PHLDB3: variants seen among roughly 807,000 people sequenced by gnomAD.
PHLDB3 encodes the protein pleckstrin homology-like domain family B member 3.
Under a neutral mutation model 85.7 loss-of-function variants are expected in PHLDB3, and 86 were observed. That is an observed-to-expected ratio of 1.00 (90% confidence interval 0.84 to 1.20). The LOEUF (loss-of-function observed/expected upper bound fraction) is 1.20. PHLDB3 is among the 50% of genes most tolerant of loss of function. PHLDB3 has a pLI of 0.00. For synonymous variants in PHLDB3, 376 were observed against 349.8 expected, an observed-to-expected ratio of 1.07 and a Z score of -0.83; for missense variants, 995 against 873.0, an observed-to-expected ratio of 1.14 and a Z score of -1.76.
chr19:43,479,251 G>A (rs977405263), intron 14 of PHLDB3, 126 bp downstream of exon 14: 3 of 976,670 alleles, frequency 3.1e-6, no homozygotes, highest in Non-Finnish European at 4.5e-6. Context: ...AGGAGCTAGG[G>A]AACCAAACTT....
intron 9 of PHLDB3, 34 bp downstream of exon 9, chr19:43,494,668 A>C: frequency 6.6e-7 from 1 of 1,517,544 alleles, no homozygotes; most frequent in Non-Finnish European, 9.0e-7. Flanking sequence ...GACCAATAAG[A>C]TATATGGGGA....
intron 9 of PHLDB3, among the ~76,000 whole-genome samples, chr19:43,487,591 A>AAAAAAAAAAAAAAAAACAC (rs1167897767): frequency 8.6e-6 from 1 of 115,770 alleles, no homozygotes; most frequent in East Asian, 2.4e-4. Context: ...AAAAAAAAAA[A>AAAAAAAAAAAAAAAAACAC]ACACAGAAAA....
intron 2 of PHLDB3, 126 bp downstream of exon 2, chr19:43,503,780 T>G: frequency 9.3e-7 from 1 of 1,072,202 alleles, no homozygotes; most frequent in South Asian, 1.5e-5. Context: ...CTGCTATCAC[T>G]CGGTCTCTCT....
intron 14 of PHLDB3, 49 bp downstream of exon 14, chr19:43,479,328 G>C (rs771645677): frequency 1.0e-4 from 159 of 1,529,056 alleles, no homozygotes; most frequent in Non-Finnish European, 1.4e-4. Context: ...AAGGCCTCCG[G>C]AGTGGAATTC....
intron 9 of PHLDB3, among the ~76,000 whole-genome samples, chr19:43,493,706 C>T (rs891132056): frequency 2.0e-4 from 31 of 152,106 alleles, no homozygotes; most frequent in Non-Finnish European, 3.4e-4. Flanking sequence ...GATAGATACC[C>T]CAATACCCTG....
At chr19:43,481,878 T>C (rs994148948) in intron 13 of PHLDB3, among the ~76,000 whole-genome samples, 1 of 150,574 alleles carries the variant, frequency 6.6e-6, no homozygotes, top group Non-Finnish European at 1.5e-5. Context: ...GATCTGCTGG[T>C]TGGAGACAGG....
At chr19:43,498,783 G>A (rs1156534889) in intron 4 of PHLDB3, among the ~76,000 whole-genome samples, 1 of 152,158 alleles carries the variant, frequency 6.6e-6, no homozygotes, top group African/African-American at 2.4e-5. Context: ...CAATCAGGGA[G>A]CATTTGGATC....
Position 43,478,121 on chromosome 19 carries a change from T to C in PHLDB3, c.1714A>G (p.Thr572Ala). 1 of 1,612,882 alleles carries C rather than the reference T, an allele frequency of 6.2e-7. No homozygotes were observed. The highest frequency in any genetic ancestry group is 8.5e-7 in the Non-Finnish European group (1 of 1,178,936). ...AAGTAGATGACACCTTTGAGCTTGG[T>C]CTCTTCCTTGTCTGGTAGGGGAGGT... Reference protein sequence around the residue: ...RLAYYADKEETKLKGVIYFQA... With the variant: ...RLAYYADKEEAKLKGVIYFQA... The change falls in exon 15 of 16, where the codon ACC becomes GCC. Residue 572 changes from threonine (T) to alanine (A), a missense_variant. Transcript: ENST00000292140.
At chr19:43,491,268 C>T (rs910092167) in intron 9 of PHLDB3, among the ~76,000 whole-genome samples, 7 of 152,278 alleles carry the variant, frequency 4.6e-5, no homozygotes, top group African/African-American at 1.4e-4. Flanking sequence ...TACAGAAGAA[C>T]ATCTGCTAAC....
intron 9 of PHLDB3, among the ~76,000 whole-genome samples, chr19:43,488,098 G>T (rs1568477794): frequency 6.6e-6 from 1 of 151,684 alleles, no homozygotes; most frequent in African/African-American, 2.4e-5. Context: ...AGGTTCCAGT[G>T]AGCCGAGATC....
intron 14 of PHLDB3, among the ~76,000 whole-genome samples, chr19:43,478,829 C>T (rs1447476985): frequency 2.0e-5 from 3 of 152,122 alleles, no homozygotes; most frequent in Admixed American, 2.0e-4. Context: ...GCAGGAGAAT[C>T]GCTTGAGCCG....
In PHLDB3 at chr19:43,494,829, GGT is replaced by G; in HGVS notation, c.1036-16_1036-15del. The G allele has an allele frequency of 6.2e-7, 1 of 1,601,052 alleles. No individual in the cohort carries two copies. Among genetic ancestry groups the G allele is most frequent in the East Asian group, 2.2e-5 (1 of 44,626 alleles). ...GGTGAACAGCAGCTGCAAGAGATGG[GGT>G]GAAGTTTCGTGGGAGCAGGAGAGAC... On this transcript the variant is annotated splice_polypyrimidine_tract_variant and intron_variant, in intron 8 of 15. Transcript: ENST00000292140.
At chr19:43,493,383 C>T (rs559649751) in intron 9 of PHLDB3, among the ~76,000 whole-genome samples, 5 of 152,134 alleles carry the variant, frequency 3.3e-5, no homozygotes, top group Admixed American at 1.3e-4. Flanking sequence ...TGCCTGTAAT[C>T]CCAGCAATTT....
rs776779116 is a variant in PHLDB3, at chr19:43,502,225, C to G, written c.272G>C (p.Arg91Pro). The change falls in exon 3 of 16, where the codon CGG (arginine) becomes CCG (proline). Residue 91 changes from arginine to proline, a missense_variant. Coordinates refer to ENST00000292140, the MANE Select transcript of PHLDB3 (RefSeq NM_198850.4). Reference protein sequence around the residue: ...AATPPASTSSREGVRGAARRL... With the variant: ...AATPPASTSSPEGVRGAARRL... The stretch of plus-strand genomic sequence containing the variant: ...CCGCGCCGCCCCTCGCACCCCTTCC[C>G]GCGAAGAGGTGGATGCGGGAGGTGT... 21 of 1,563,738 alleles carry G rather than the reference C, an allele frequency of 1.3e-5. No homozygotes were observed. Among genetic ancestry groups the G allele is most frequent in the Non-Finnish European group, 1.5e-5 (17 of 1,155,400 alleles).
intron 4 of PHLDB3, among the ~76,000 whole-genome samples, chr19:43,500,315 A>C (rs1480830915): frequency 2.0e-5 from 3 of 152,140 alleles, no homozygotes; most frequent in Non-Finnish European, 4.4e-5. Context: ...TGGCTCAGGA[A>C]GCACTAAAGC....
chr19:43,499,468 C>T (rs1011980058), intron 4 of PHLDB3, among the ~76,000 whole-genome samples: 4 of 151,826 alleles, frequency 2.6e-5, no homozygotes, highest in Admixed American at 6.6e-5. Context: ...GGGCTGCGAC[C>T]GAGATTTCTG....
In PHLDB3 at chr19:43,494,577, C is replaced by G. The variant is rs537109521; in HGVS notation, c.1149+125G>C. ...CTTGGCCAACCTTCCCTATCCCCCA[C>G]CGGCCCCATACAGAAAATCAGAGTG... On this transcript the variant is annotated intron_variant, in intron 9 of 15. Coordinates refer to ENST00000292140, the MANE Select transcript of PHLDB3 (RefSeq NM_198850.4). 1.1e-5 allele frequency: 8 copies of G among 725,086 alleles called. No individual in the cohort carries two copies. In the South Asian group the frequency reaches 1.6e-4, roughly 15 times the overall value. 44.9% of individuals were successfully genotyped at this position (725,086 alleles called of 1,614,324 possible). A position where few individuals can be genotyped will look rare whatever the true frequency, so the allele number is the denominator to read the frequency against.
At chr19:43,480,632 T>C (rs1292851948) in intron 13 of PHLDB3, among the ~76,000 whole-genome samples, 1 of 152,148 alleles carries the variant, frequency 6.6e-6, no homozygotes, top group Non-Finnish European at 1.5e-5. Flanking sequence ...TACATTATTA[T>C]TGTTGTGATG....
chr19:43,496,345 C>T (rs953568466), intron 6 of PHLDB3: 1 of 152,118 alleles, frequency 6.6e-6, no homozygotes, highest in Non-Finnish European at 1.5e-5. Context: ...TTGGGAAACT[C>T]TGTGTTAAAT....
Sources: gnomAD v4.1 joint callset for allele counts (sites outside exome capture counted in the v4.1 genomes callset) on GRCh38, gnomAD v4.1.1 for gene constraint, MANE v1.5 for transcripts, NCBI Gene and HGNC (gene_info 2026-07-23, HGNC 2026-07-21) for gene names.